Variants in OSGIN1 observed in about 807,000 individuals in gnomAD.
OSGIN1 encodes oxidative stress induced growth inhibitor 1, also known as oxidative stress-induced growth inhibitor 1.
Under a neutral mutation model 20.1 loss-of-function variants are expected in OSGIN1, and 19 were observed. The observed-to-expected ratio is 0.95, with a 90% confidence interval of 0.66 to 1.39. The LOEUF is 1.39. OSGIN1 is among the 40% of genes most tolerant of loss of function. The probability of loss-of-function intolerance (pLI) is 0.00; values close to 1 mark genes in which losing one functional copy is unlikely to be tolerated. For missense variants in OSGIN1, 820 were observed against 653.0 expected, an observed-to-expected ratio of 1.26 and a Z score of -2.79; for synonymous variants, 368 against 297.8, an observed-to-expected ratio of 1.24 and a Z score of -2.43.
Position 83,966,096 on chromosome 16 carries a change from C to T in OSGIN1, c.*89C>T, listed in dbSNP as rs766617164. The T allele has an allele frequency of 1.3e-5, 14 of 1,117,974 alleles. No homozygotes were observed. Among genetic ancestry groups the T allele is most frequent in the African/African-American group, 3.1e-5 (2 of 63,516 alleles). The allele number at this position is 1,117,974 out of a possible 1,614,324, so 69.3% of individuals were successfully genotyped here. ...ATGCAGGACCCGTCCAAAGATGCCC[C>T]GGGGAGGGGTGTCAGCCCACGTTGC... On this transcript the variant is annotated 3_prime_UTR_variant, in exon 6 of 6. Coordinates refer to ENST00000393306, the MANE Select transcript of OSGIN1 (RefSeq NM_182981.3).
At chr16:83,959,555 GA>G (rs2151076682) in intron 3 of OSGIN1, among the ~76,000 whole-genome samples, 159 bp downstream of exon 3, 1 of 152,326 alleles carries the variant, frequency 6.6e-6, no homozygotes, top group Non-Finnish European at 1.5e-5. Context: ...TCGTGAAAGA[GA>G]AATCAGAGAC....
At chr16:83,959,105 C>G (rs971267521) in intron 2 of OSGIN1, among the ~76,000 whole-genome samples, 155 bp from the exon 3 acceptor site, 1 of 152,134 alleles carries the variant, frequency 6.6e-6, no homozygotes, top group Non-Finnish European at 1.5e-5. Context: ...TATTATTAGG[C>G]ACAGTGTCTG....
chr16:83,965,504 G>C lies in OSGIN1; in HGVS notation c.931G>C (p.Val311Leu). Residue 311 changes from valine to leucine, a missense_variant, in exon 6 of 6, where the codon GTG (valine) becomes CTG (leucine). Transcript: ENST00000393306. ...VLYARHYNIP[V>L]IHAFRRAVDD... ...CTACGCCCGCCACTACAACATCCCG[G>C]TGATCCATGCCTTCCGCCGGGCCGT... 6.2e-7 allele frequency: 1 copy of C among 1,611,822 alleles called. No individual in the cohort carries two copies. Among genetic ancestry groups the C allele is most frequent in the Non-Finnish European group, 8.5e-7 (1 of 1,179,984 alleles).
At chr16:83,955,296 A>G (rs531123159) in intron 1 of OSGIN1, among the ~76,000 whole-genome samples, 2 of 152,236 alleles carry the variant, frequency 1.3e-5, no homozygotes, top group African/African-American at 4.8e-5. Context: ...ATGAGAAATG[A>G]TCCCTTCCCA....
At position 83,965,623 on chromosome 16, in the gene OSGIN1, G is replaced by C. The variant is rs1444037663; in HGVS notation, c.1050G>C (p.Leu350=). ...AGATGATGCGGGAGCAGTCCATCCT[G>C]TCGCCCAGCCCCTATGAGGGTTACC... ...VHQMMREQSI[L]SPSPYEGYRS... Residue 350 remains leucine, a synonymous_variant, in exon 6 of 6, where the codon CTG becomes CTC. Coordinates refer to ENST00000393306, the MANE Select transcript of OSGIN1 (RefSeq NM_182981.3). 1 of 1,613,058 alleles carries C rather than the reference G, an allele frequency of 6.2e-7. No homozygotes were observed. The highest frequency in any genetic ancestry group is 8.5e-7 in the Non-Finnish European group (1 of 1,180,004).
intron 2 of OSGIN1, among the ~76,000 whole-genome samples, chr16:83,958,756 G>A (rs779267179): frequency 6.6e-6 from 1 of 152,162 alleles, no homozygotes; most frequent in Non-Finnish European, 1.5e-5. Context: ...ACCCCTGAGC[G>A]CCCACAAGCA....
Position 83,958,920 on chromosome 16 carries a change from G to A in OSGIN1, c.68-340G>A, listed in dbSNP as rs1332024893. On this transcript the variant is annotated intron_variant, in intron 2 of 5. Transcript: ENST00000393306. Reference sequence around the variant, plus strand: ...ATCCCGGCTCGTCTACCTTCCGGCCGTGTGACCACAGGCAAGTAACTTAAC... The same window carrying A: ...ATCCCGGCTCGTCTACCTTCCGGCCATGTGACCACAGGCAAGTAACTTAAC... Among the ~76,000 whole-genome samples the A allele has an allele frequency of 3.9e-5, 6 of 152,142 alleles. No individual in the cohort carries two copies. The South Asian group carries it at 6.2e-4, about 16-fold the overall frequency.
chr16:83,958,100 C>T (rs1461402922), intron 2 of OSGIN1, among the ~76,000 whole-genome samples: 1 of 152,198 alleles, frequency 6.6e-6, no homozygotes, highest in Non-Finnish European at 1.5e-5. Context: ...TGGTCTCGAA[C>T]TCCTGACCTC....
At position 83,960,926 on chromosome 16, in the gene OSGIN1, C is replaced by T. The variant is rs534930018; in HGVS notation, c.397-55C>T. 25 of 1,574,834 alleles carry T rather than the reference C, an allele frequency of 1.6e-5. No individual in the cohort carries two copies. In the East Asian group the frequency reaches 4.9e-4, roughly 31 times the overall value. ...GCAAAGGCCTCCCATGCCCTCTAGCCCCAAATGGGTTCAGGCGAGCAGAGG... is the reference window on the plus strand; with the variant it reads ...GCAAAGGCCTCCCATGCCCTCTAGCTCCAAATGGGTTCAGGCGAGCAGAGG... On this transcript the variant is annotated intron_variant, in intron 4 of 5. Coordinates refer to ENST00000393306, the MANE Select transcript of OSGIN1 (RefSeq NM_182981.3).
At chr16:83,958,085 C>G (rs967613085) in intron 2 of OSGIN1, among the ~76,000 whole-genome samples, 1 of 152,164 alleles carries the variant, frequency 6.6e-6, no homozygotes, top group Non-Finnish European at 1.5e-5. Flanking sequence ...CCATGTCGGC[C>G]AGGCTGGTCT....
rs1027460632 is a variant in OSGIN1, at chr16:83,961,538, T to C, written c.488+466T>C. Reference sequence around the variant, plus strand: ...CTCAGCTTGACTTTTCCCTTTAGCTTAGTGATTTGGGGGATTTCACAGGCC... The same window carrying C: ...CTCAGCTTGACTTTTCCCTTTAGCTCAGTGATTTGGGGGATTTCACAGGCC... On this transcript the variant is annotated intron_variant, in intron 5 of 5. Transcript: ENST00000393306. 2.6e-5 allele frequency among the ~76,000 whole-genome samples: 4 copies of C among 152,208 alleles called. No individual in the cohort carries two copies. In the Middle Eastern group the frequency reaches 0.014, roughly 518 times the overall value.
chr16:83,966,200 G>A lies in OSGIN1; in HGVS notation c.*193G>A, dbSNP rs534233458. 23 of 586,188 alleles carry A rather than the reference G, an allele frequency of 3.9e-5. No homozygotes were observed. Among genetic ancestry groups the A allele is most frequent in the South Asian group, 3.0e-4 (13 of 43,566 alleles). 36.3% of individuals were successfully genotyped at this position (586,188 alleles called of 1,614,324 possible). A position where few individuals can be genotyped will look rare whatever the true frequency, so the allele number is the denominator to read the frequency against. ...AGTGTCTGAGGTGGTAACAGCGGCC[G>A]CAGGCCAGGGTTGGCCTAGACCTGG... is the stretch of plus-strand genomic sequence containing the variant. On this transcript the variant is annotated 3_prime_UTR_variant, in exon 6 of 6. Coordinates refer to ENST00000393306, the MANE Select transcript of OSGIN1 (RefSeq NM_182981.3).
intron 5 of OSGIN1, 41 bp from the exon 6 acceptor site, chr16:83,965,020 CT>C: frequency 5.3e-6 from 7 of 1,326,500 alleles, no homozygotes; most frequent in Non-Finnish European, 7.4e-6. Flanking sequence ...CCCCCAACCC[CT>C]AACAGTGTCT....
intron 5 of OSGIN1, among the ~76,000 whole-genome samples, chr16:83,963,731 C>A (rs1218386875): frequency 6.6e-6 from 1 of 152,082 alleles, no homozygotes; most frequent in Non-Finnish European, 1.5e-5. Context: ...GCAGGTGGCA[C>A]AGGATTCTCC....
At chr16:83,960,107 G>A (rs1285432622) in intron 3 of OSGIN1, among the ~76,000 whole-genome samples, 1 of 152,122 alleles carries the variant, frequency 6.6e-6, no homozygotes, top group African/African-American at 2.4e-5. Flanking sequence ...TTTTCAAAGT[G>A]CTCTCTATAG....
At position 83,965,711 on chromosome 16, in the gene OSGIN1, C is replaced by G. The variant is rs2084271151; in HGVS notation, c.1138C>G (p.Leu380Val). 1 of 1,613,556 alleles carries G rather than the reference C, an allele frequency of 6.2e-7. No homozygotes were observed. Among genetic ancestry groups the G allele is most frequent in the Admixed American group, 1.7e-5 (1 of 60,012 alleles). The change falls in exon 6 of 6, where the codon CTC becomes GTC. Residue 380 changes from leucine (L) to valine (V), a missense_variant. Transcript: ENST00000393306. ...KEDCQAVFQDLEGVEKVFGVS... is the reference protein window; with the variant it reads ...KEDCQAVFQDVEGVEKVFGVS... ...AGACTGCCAGGCCGTGTTCCAGGAC[C>G]TCGAGGGTGTCGAGAAGGTGTTTGG...
At position 83,953,314 on chromosome 16, in the gene OSGIN1, C is replaced by A. The variant is rs1258931761; in HGVS notation, c.-89C>A. On this transcript the variant is annotated 5_prime_UTR_variant, in exon 1 of 6. Coordinates refer to ENST00000393306, the MANE Select transcript of OSGIN1 (RefSeq NM_182981.3). ...GACTCTGTGATCCGTGTTCCCCTGA[C>A]CCTCCTAGTGCACAACTTGGCCGGG... 1.6e-6 allele frequency: 2 copies of A among 1,288,828 alleles called. No individual in the cohort carries two copies. The highest frequency in any genetic ancestry group is 2.0e-6 in the Non-Finnish European group (2 of 988,556). The allele number at this position is 1,288,828 out of a possible 1,614,324, so 79.8% of individuals were successfully genotyped here. A position where few individuals can be genotyped will look rare whatever the true frequency, so the allele number is the denominator to read the frequency against.
intron 3 of OSGIN1, 30 bp downstream of exon 3, chr16:83,959,426 TA>T (rs1909099038): frequency 4.4e-6 from 7 of 1,603,064 alleles, no homozygotes; most frequent in African/African-American, 1.3e-5. Flanking sequence ...GAGCTCTGGG[TA>T]GTACATACCC....
chr16:83,954,530 T>TTCAAAA (rs1454326186), intron 1 of OSGIN1: 1 of 152,352 alleles, frequency 6.6e-6, no homozygotes, highest in Admixed American at 6.5e-5. Context: ...ATGAAACTTT[T>TTCAAAA]GAACTCTCTT....
Sources: gnomAD v4.1 joint callset for allele counts (sites outside exome capture counted in the v4.1 genomes callset) on GRCh38, gnomAD v4.1.1 for gene constraint, MANE v1.5 for transcripts, NCBI Gene and HGNC (gene_info 2026-07-23, HGNC 2026-07-21) for gene names.